The following CCDC88C variants were observed in gnomAD, a reference collection of about 807,000 sequenced individuals.
CCDC88C encodes coiled-coil and HOOK domain protein 88C, also known as protein Daple.
In CCDC88C, 131 loss-of-function variants were observed where a neutral mutation model predicts 198.8. That is an observed-to-expected ratio of 0.66 (90% CI 0.57 to 0.76). CCDC88C has a LOEUF of 0.76. Among genes scored for constraint, CCDC88C ranks in the 30% least tolerant of loss-of-function variants. CCDC88C has a pLI of 0.00. For missense variants in CCDC88C, 2,553 were observed against 2,631.6 expected (o/e 0.97, Z 0.65); for synonymous variants, 1,166 against 1,114.7 (o/e 1.05, Z -0.92).
intron 4 of CCDC88C, 85 bp from the exon 5 acceptor site, chr14:91,343,742 A>G (rs1031772268): frequency 1.0e-5 from 15 of 1,455,804 alleles, no homozygotes; most frequent in Admixed American, 1.9e-5. Flanking sequence ...AAAAACAGAT[A>G]AAAAAAAATC....
intron 4 of CCDC88C, among the ~76,000 whole-genome samples, chr14:91,354,304 G>C (rs900447743): frequency 6.6e-6 from 1 of 152,206 alleles, no homozygotes; most frequent in Non-Finnish European, 1.5e-5. Flanking sequence ...GTCTTTTCTT[G>C]TGCGTGTGGC....
At chr14:91,279,060 C>T (rs539265889) in intron 28 of CCDC88C, among the ~76,000 whole-genome samples, 178 bp downstream of exon 28, 14 of 151,984 alleles carry the variant, frequency 9.2e-5, no homozygotes, top group Admixed American at 6.6e-4. Flanking sequence ...CGCCACCACG[C>T]CTAGCTAATT....
At position 91,416,720 on chromosome 14, in the gene CCDC88C, G is replaced by A. The variant is rs1270391083; in HGVS notation, c.161+18C>T. On this transcript the variant is annotated intron_variant, in intron 2 of 29. Transcript: ENST00000389857. ...TAACGCACCATTCTTTCCTTCCTCC[G>A]AGAAGAAGGTAACTTACATTTGCAG... 2 of 1,515,896 alleles carry A rather than the reference G, an allele frequency of 1.3e-6. No homozygotes were observed. Among genetic ancestry groups the A allele is most frequent in the African/African-American group, 2.7e-5 (2 of 73,320 alleles). 93.9% of individuals were successfully genotyped at this position (1,515,896 alleles called of 1,614,324 possible).
At chr14:91,275,003 C>T (rs1193389926) in intron 29 of CCDC88C, among the ~76,000 whole-genome samples, 1 of 152,156 alleles carries the variant, frequency 6.6e-6, no homozygotes, top group African/African-American at 2.4e-5. Flanking sequence ...ACATGCCCTC[C>T]CTGCATCATC....
chr14:91,362,233 CA>C (rs796522324), intron 3 of CCDC88C, among the ~76,000 whole-genome samples: 322 of 113,422 alleles, frequency 2.8e-3, no homozygotes, highest in Middle Eastern at 4.4e-3. Flanking sequence ...GATTCTGTCT[CA>C]AAAAAAAAAA....
intron 3 of CCDC88C, among the ~76,000 whole-genome samples, chr14:91,394,522 C>T (rs575616399): frequency 3.9e-5 from 6 of 152,346 alleles, no homozygotes; most frequent in South Asian, 4.1e-4. Context: ...GGTGTGACAC[C>T]GTGCTCCCTG....
intron 10 of CCDC88C, among the ~76,000 whole-genome samples, chr14:91,327,504 T>C (rs1235341265): frequency 1.3e-5 from 2 of 152,210 alleles, no homozygotes; most frequent in African/African-American, 4.8e-5. Flanking sequence ...GGACAGTCCC[T>C]TCCTGCAGAT....
intron 17 of CCDC88C, 129 bp downstream of exon 17, chr14:91,308,222 C>G (rs1891644227): frequency 9.3e-7 from 1 of 1,075,232 alleles, no homozygotes; most frequent in Non-Finnish European, 1.3e-6. Flanking sequence ...CTCAGTCACT[C>G]TGTGGCGCAT....
intron 10 of CCDC88C, among the ~76,000 whole-genome samples, chr14:91,329,003 T>C (rs564539643): frequency 4.3e-4 from 66 of 152,264 alleles, no homozygotes; most frequent in African/African-American, 1.5e-3. Context: ...AAGGGGGCCA[T>C]AGCAGCAGGA....
rs184276970 is a variant in CCDC88C at position 91,327,997 on chromosome 14, G to A, written c.1051-1941C>T. On this transcript the variant is annotated intron_variant, in intron 10 of 29. Transcript: ENST00000389857. ...GTTCTGGGTCTGCTCTGAGGCCACA[G>A]CAGGCCGGCCTGTTCCTCCCCCAGA... 3.7e-3 allele frequency among the ~76,000 whole-genome samples: 558 copies of A among 152,334 alleles called. 1 individual carries two copies. Among genetic ancestry groups the A allele is most frequent in the Middle Eastern group, 0.02 (6 of 294 alleles).
intron 3 of CCDC88C, among the ~76,000 whole-genome samples, chr14:91,399,290 TCACCCAGAGCCCCAGGCC>T (rs1399982347): frequency 6.6e-6 from 1 of 151,998 alleles, no homozygotes; most frequent in Admixed American, 6.6e-5. Context: ...CCACTTCTCC[TCACCCAGAGCCCCAGGCC>T]CACCCAGAGA....
chr14:91,334,913 A>G (rs1027189245), intron 10 of CCDC88C, among the ~76,000 whole-genome samples: 1 of 152,076 alleles, frequency 6.6e-6, no homozygotes, highest in African/African-American at 2.4e-5. Flanking sequence ...GTTAAGTCCA[A>G]CACACACCTG....
At chr14:91,353,625 A>G (rs1893911087) in intron 4 of CCDC88C, among the ~76,000 whole-genome samples, 1 of 152,316 alleles carries the variant, frequency 6.6e-6, no homozygotes, top group East Asian at 1.9e-4. Flanking sequence ...TGGCTTCCTC[A>G]GCCGGTGCAG....
At chr14:91,354,809 A>G (rs1030742195) in intron 4 of CCDC88C, among the ~76,000 whole-genome samples, 1 of 152,252 alleles carries the variant, frequency 6.6e-6, no homozygotes, top group African/African-American at 2.4e-5. Context: ...TCCTGCTGTC[A>G]TGAGAGCGTG....
rs867903440 is a variant in CCDC88C, at chr14:91,311,162, C to G, written c.2737-1176G>C. On this transcript the variant is annotated intron_variant, in intron 15 of 29. Coordinates refer to ENST00000389857, the MANE Select transcript of CCDC88C (RefSeq NM_001080414.4). ...CAGAGGACAGACTCCCTGAAGGGTC[C>G]CCTGGACTCTGGTGAGCAAGAAGTA... is the stretch of plus-strand genomic sequence containing the variant. Among the ~76,000 whole-genome samples the G allele has an allele frequency of 5.9e-5, 9 of 152,304 alleles. No homozygotes were observed. In the Middle Eastern group the frequency reaches 0.01, roughly 173 times the overall value.
intron 25 of CCDC88C, chr14:91,285,539 C>T: frequency 4.9e-6 from 4 of 823,918 alleles, no homozygotes; most frequent in South Asian, 1.6e-5. Context: ...CTACTTTAAG[C>T]TTGAAATTGG....
At chr14:91,309,020 C>T (rs1325631195) in intron 16 of CCDC88C, among the ~76,000 whole-genome samples, 2 of 152,044 alleles carry the variant, frequency 1.3e-5, no homozygotes, top group Non-Finnish European at 2.9e-5. Flanking sequence ...TGAGGTCAGG[C>T]GTTCGAGACC....
In CCDC88C at chr14:91,352,419, T is replaced by C. The variant is rs1322168203; in HGVS notation, c.340+7223A>G. ...AAGTGCCCCAGCACCGCACGTGGAC[T>C]GGAGCCCTCATTTCCGGATCCAACA... is the stretch of plus-strand genomic sequence containing the variant. On this transcript the variant is annotated intron_variant, in intron 4 of 29. Coordinates refer to ENST00000389857, the MANE Select transcript of CCDC88C (RefSeq NM_001080414.4). This position sits in a 1 kb window ranked among gnomAD's most constrained non-coding sequence, Gnocchi z 4.2. Among the ~76,000 whole-genome samples, 1 of 152,218 alleles carries C rather than the reference T, an allele frequency of 6.6e-6. No individual in the cohort carries two copies. Among genetic ancestry groups the C allele is most frequent in the African/African-American group, 2.4e-5 (1 of 41,448 alleles).
rs749133590 is a variant in CCDC88C, at chr14:91,305,903, C to T, written c.3219G>A (p.Lys1073=). Residue 1073 remains lysine (K), a synonymous_variant, in exon 19 of 30, where the codon AAG becomes AAA. Coordinates refer to ENST00000389857, the MANE Select transcript of CCDC88C (RefSeq NM_001080414.4). ...GCTGCAGCTGTTCCTTTAGCAGCTG[C>T]TTCTCAGCCTGCAGAGCTGCATTCT... ...ERNNAALQAE[K]QLLKEQLQHL... 9 of 1,613,682 alleles carry T rather than the reference C, an allele frequency of 5.6e-6. No homozygotes were observed. The highest frequency in any genetic ancestry group is 2.5e-6 in the Non-Finnish European group (3 of 1,179,886).
Sources: gnomAD v4.1 joint callset for allele counts (sites outside exome capture counted in the v4.1 genomes callset) on GRCh38, gnomAD v4.1.1 for gene constraint, Gnocchi (gnomAD v3.1) non-coding constraint, MANE v1.5 for transcripts, NCBI Gene and HGNC (gene_info 2026-07-23, HGNC 2026-07-21) for gene names.